VAV3: variants seen among roughly 807,000 people sequenced by gnomAD.
The protein encoded by VAV3 is vav guanine nucleotide exchange factor 3, also known as guanine nucleotide exchange factor VAV3.
In VAV3, 94 loss-of-function variants were observed where a neutral mutation model predicts 131.2. The observed-to-expected ratio is 0.72, with a 90% CI of 0.61 to 0.85. VAV3 has a LOEUF of 0.85. Ranked by LOEUF, VAV3 falls within the 40% of genes least tolerant of loss-of-function variation. The pLI, the probability that VAV3 is intolerant of heterozygous loss-of-function variation, is 0.00. For synonymous variants in VAV3, 349 were observed against 342.0 expected, an observed-to-expected ratio of 1.02 and a Z score of -0.22; for missense variants, 939 against 1,002.7, an observed-to-expected ratio of 0.94 and a Z score of 0.86.
chr1:107,688,447 A>G, intron 17 of VAV3, 41 bp from the exon 18 acceptor site: 1 of 1,612,382 alleles, frequency 6.2e-7, no homozygotes, highest in Non-Finnish European at 8.5e-7. Context: ...GTGTAAAGTT[A>G]TTTTGTTTGG....
At chr1:107,763,462 T>A (rs1258674232) in intron 9 of VAV3, among the ~76,000 whole-genome samples, 1 of 152,222 alleles carries the variant, frequency 6.6e-6, no homozygotes, top group Non-Finnish European at 1.5e-5. Flanking sequence ...CAATTTTATA[T>A]CTTTATTTTA....
At chr1:107,578,972 G>C (rs1438259031) in intron 25 of VAV3, 1 of 922,348 alleles carries the variant, frequency 1.1e-6, no homozygotes, top group African/African-American at 1.8e-5. Flanking sequence ...AATTAGATAA[G>C]ATAACCTATC....
chr1:107,642,550 T>C (rs1396340815), intron 20 of VAV3, 69 bp downstream of exon 20: 3 of 1,568,280 alleles, frequency 1.9e-6, no homozygotes, highest in Non-Finnish European at 2.6e-6. Flanking sequence ...CCTGAATTCC[T>C]TCTTGGGCAA....
intron 3 of VAV3, among the ~76,000 whole-genome samples, chr1:107,778,032 A>C (rs1665463721): frequency 6.6e-6 from 1 of 152,116 alleles, no homozygotes; most frequent in South Asian, 2.1e-4. Context: ...CCTTAAATTT[A>C]TGTCTAACAA....
At chr1:107,646,566 C>A (rs1655753279) in intron 19 of VAV3, among the ~76,000 whole-genome samples, 1 of 152,018 alleles carries the variant, frequency 6.6e-6, no homozygotes, top group Non-Finnish European at 1.5e-5. Flanking sequence ...AAAATTAGAT[C>A]TCCTGCCAGA....
At chr1:107,691,491 G>C (rs757011972) in intron 17 of VAV3, among the ~76,000 whole-genome samples, 12 of 152,116 alleles carry the variant, frequency 7.9e-5, no homozygotes, top group Non-Finnish European at 1.3e-4. Flanking sequence ...GCTGTACTCT[G>C]ACCTAGAAGA....
chr1:107,934,389 T>C lies in VAV3; in HGVS notation c.204+30277A>G, dbSNP rs115053951. 5.7e-3 allele frequency among the ~76,000 whole-genome samples: 874 copies of C among 152,320 alleles called. 3 individuals are homozygous for C. The highest frequency in any genetic ancestry group is 0.01 in the Non-Finnish European group (710 of 68,032). The stretch of plus-strand genomic sequence containing the variant: ...CCCTTAGAACAGAGCAGAAGATATA[T>C]TTTGCCACTCTTTTTCTTCCTGTGA... On this transcript the variant is annotated intron_variant, in intron 1 of 26. Coordinates refer to ENST00000370056, the MANE Select transcript of VAV3 (RefSeq NM_006113.5).
At chr1:107,940,682 T>A (rs1470336535) in intron 1 of VAV3, among the ~76,000 whole-genome samples, 1 of 152,192 alleles carries the variant, frequency 6.6e-6, no homozygotes, top group Non-Finnish European at 1.5e-5. Flanking sequence ...GGCTACAACA[T>A]GGATAAACCT....
At chr1:107,926,174 C>T (rs1482484018) in intron 1 of VAV3, among the ~76,000 whole-genome samples, 1 of 151,844 alleles carries the variant, frequency 6.6e-6, no homozygotes, top group African/African-American at 2.4e-5. Flanking sequence ...ACCAGCTACT[C>T]GCGAGGCTGA....
At chr1:107,602,528 C>A in intron 23 of VAV3, 44 bp from the exon 24 acceptor site, 1 of 1,442,114 alleles carries the variant, frequency 6.9e-7, no homozygotes, top group South Asian at 1.3e-5. Context: ...TGTTTTTAAT[C>A]AGTAGAAATC....
chr1:107,611,604 AAAAAC>A (rs1288162265), intron 21 of VAV3, among the ~76,000 whole-genome samples: 3 of 143,642 alleles, frequency 2.1e-5, no homozygotes, highest in South Asian at 2.2e-4. Flanking sequence ...ACCAAAAAAA[AAAAAC>A]AAACAAACAA....
chr1:107,681,397 C>T (rs368666307), intron 19 of VAV3, among the ~76,000 whole-genome samples: 3 of 152,106 alleles, frequency 2.0e-5, no homozygotes, highest in Admixed American at 6.6e-5. Flanking sequence ...GATCAAGGCA[C>T]GCTGGTCATC....
chr1:107,775,726 C>T (rs1231476217), intron 4 of VAV3, among the ~76,000 whole-genome samples: 1 of 151,876 alleles, frequency 6.6e-6, no homozygotes, highest in East Asian at 1.9e-4. Flanking sequence ...CACTATCTTG[C>T]TTACTGTTGG....
intron 20 of VAV3, among the ~76,000 whole-genome samples, chr1:107,621,481 T>C (rs1223624363): frequency 6.6e-6 from 1 of 152,146 alleles, no homozygotes; most frequent in Non-Finnish European, 1.5e-5. Context: ...TCATTAATAC[T>C]AATGGGTGGA....
intron 5 of VAV3, among the ~76,000 whole-genome samples, chr1:107,771,762 T>G (rs545741234): frequency 2.0e-5 from 3 of 152,352 alleles, no homozygotes; most frequent in Admixed American, 6.5e-5. Flanking sequence ...GAGTGAGGAC[T>G]GCCCTTGCGG....
intron 15 of VAV3, among the ~76,000 whole-genome samples, chr1:107,717,085 T>C (rs949155465): frequency 1.3e-5 from 2 of 152,198 alleles, no homozygotes; most frequent in Non-Finnish European, 2.9e-5. Flanking sequence ...GATGGTGATA[T>C]CCCCTTTATC....
chr1:107,662,089 A>G (rs1657060989), intron 19 of VAV3, among the ~76,000 whole-genome samples: 1 of 152,202 alleles, frequency 6.6e-6, no homozygotes, highest in Non-Finnish European at 1.5e-5. Flanking sequence ...TAGACCTAAA[A>G]TTTGAAAACT....
intron 25 of VAV3, among the ~76,000 whole-genome samples, chr1:107,575,011 GCGCGCA>G (rs1249623138): frequency 1.3e-4 from 3 of 22,780 alleles, no homozygotes; most frequent in African/African-American, 3.3e-4. Context: ...GCGCGCGCGC[GCGCGCA>G]CACGCGCGCG....
intron 15 of VAV3, among the ~76,000 whole-genome samples, chr1:107,748,104 C>G (rs958876279): frequency 2.6e-5 from 4 of 152,072 alleles, no homozygotes; most frequent in Non-Finnish European, 5.9e-5. Flanking sequence ...CTATTCCTAC[C>G]TCTAGTTTAC....
Sources: allele counts gnomAD v4.1 joint callset (sites outside exome capture counted in the v4.1 genomes callset), GRCh38; gene constraint gnomAD v4.1.1; transcripts MANE v1.5; gene names NCBI Gene and HGNC (gene_info 2026-07-23, HGNC 2026-07-21).